Variants in ZNF366 observed in about 807,000 individuals in gnomAD.
ZNF366 encodes zinc finger protein 366.
In ZNF366, 20 loss-of-function variants were observed where a neutral mutation model predicts 47.2. The observed-to-expected ratio is 0.42, with a 90% CI of 0.30 to 0.62. ZNF366 has a LOEUF of 0.62. Among genes scored for constraint, ZNF366 ranks in the 20% least tolerant of loss-of-function variants. ZNF366 has a pLI of 0.16. For missense variants in ZNF366, 987 were observed against 976.3 expected, an observed-to-expected ratio of 1.01 and a Z score of -0.15; for synonymous variants, 421 against 395.1, an observed-to-expected ratio of 1.07 and a Z score of -0.78.
In ZNF366 at chr5:72,444,040, T is replaced by C. The variant is rs773888615; in HGVS notation, c.1951A>G (p.Lys651Glu). 6.2e-7 allele frequency: 1 copy of C among 1,614,120 alleles called. No homozygotes were observed. Among genetic ancestry groups the C allele is most frequent in the Non-Finnish European group, 8.5e-7 (1 of 1,179,980 alleles). Residue 651 changes from lysine to glutamate, a missense_variant, in exon 5 of 5, where the codon AAG (lysine) becomes GAG (glutamate). This residue lies in a region of ZNF366 where 285 missense variants were observed against 234.8 expected (regional missense o/e 1.21). Transcript: ENST00000318442. Reference sequence around the variant, plus strand: ...AGCACCTCGGGGGCGTGCTCCGACTTGGTGGACAGATCCTCGGGTGTGCAG... The same window carrying C: ...AGCACCTCGGGGGCGTGCTCCGACTCGGTGGACAGATCCTCGGGTGTGCAG... Reference protein sequence around the residue: ...QLCTPEDLSTKSEHAPEVLEE... With the variant: ...QLCTPEDLSTESEHAPEVLEE...
chr5:72,487,405 T>C (rs947032490), intron 1 of ZNF366, among the ~76,000 whole-genome samples: 9 of 152,120 alleles, frequency 5.9e-5, no homozygotes, highest in Non-Finnish European at 1.3e-4. Context: ...ATCAGAAAAA[T>C]ATAATGAATA....
chr5:72,483,233 T>G (rs971553876), intron 1 of ZNF366, among the ~76,000 whole-genome samples: 1 of 152,152 alleles, frequency 6.6e-6, no homozygotes, highest in African/African-American at 2.4e-5. Context: ...TCACAATGTC[T>G]TGGGTAGTAA....
intron 3 of ZNF366, among the ~76,000 whole-genome samples, chr5:72,448,317 A>G (rs895199339): frequency 2.6e-5 from 4 of 152,104 alleles, no homozygotes; most frequent in African/African-American, 9.7e-5. Flanking sequence ...CTCTATTTCA[A>G]TCAAAGTGCA....
intron 3 of ZNF366, among the ~76,000 whole-genome samples, chr5:72,447,949 A>G (rs1401165566): frequency 6.6e-6 from 1 of 152,180 alleles, no homozygotes; most frequent in Non-Finnish European, 1.5e-5. Flanking sequence ...AAGCTGGGTT[A>G]ATGAACTCAG....
intron 3 of ZNF366, among the ~76,000 whole-genome samples, chr5:72,448,358 G>T (rs1743000144): frequency 6.6e-6 from 1 of 152,150 alleles, no homozygotes; most frequent in African/African-American, 2.4e-5. Flanking sequence ...TTCTCCAACT[G>T]CTTTTGGAAG....
chr5:72,451,563 G>T (rs1743071644), intron 3 of ZNF366, among the ~76,000 whole-genome samples: 1 of 152,150 alleles, frequency 6.6e-6, no homozygotes, highest in Non-Finnish European at 1.5e-5. Flanking sequence ...AATAGTAAGA[G>T]CTCAATAAAT....
intron 1 of ZNF366, among the ~76,000 whole-genome samples, chr5:72,504,936 G>A (rs1364342127): frequency 6.6e-6 from 1 of 152,196 alleles, no homozygotes; most frequent in Non-Finnish European, 1.5e-5. Context: ...TAAACAGTAG[G>A]CAACGAAGCT....
At chr5:72,463,204 A>G (rs1347227757) in intron 1 of ZNF366, among the ~76,000 whole-genome samples, 1 of 152,214 alleles carries the variant, frequency 6.6e-6, no homozygotes, top group Admixed American at 6.5e-5. Flanking sequence ...ACAATGATCC[A>G]GCTGTTCTTA....
intron 3 of ZNF366, among the ~76,000 whole-genome samples, chr5:72,453,883 A>G (rs1743127885): frequency 6.6e-6 from 1 of 152,180 alleles, no homozygotes; most frequent in African/African-American, 2.4e-5. Context: ...ATTGCTTCAC[A>G]AGAACGCCCT....
At position 72,489,242 on chromosome 5, in the gene ZNF366, G is replaced by A. The variant is rs185227982; in HGVS notation, c.-15+18009C>T. Among the ~76,000 whole-genome samples, 5 of 152,096 alleles carry A rather than the reference G, an allele frequency of 3.3e-5. 1 individual carries two copies. In the East Asian group the frequency reaches 9.7e-4, roughly 29 times the overall value. The stretch of plus-strand genomic sequence containing the variant: ...AAATTAAGAAAAAAAAAAAGAAATA[G>A]TCCACAATTTCATATTATTTTCTGT... On this transcript the variant is annotated intron_variant, in intron 1 of 4. Transcript: ENST00000318442.
At chr5:72,490,950 A>G (rs1743996925) in intron 1 of ZNF366, among the ~76,000 whole-genome samples, 1 of 152,166 alleles carries the variant, frequency 6.6e-6, no homozygotes, top group Non-Finnish European at 1.5e-5. Flanking sequence ...CTTCTCCCTG[A>G]TGGCATGTGC....
chr5:72,468,437 G>A (rs115855501), intron 1 of ZNF366, among the ~76,000 whole-genome samples: 176 of 152,290 alleles, frequency 1.2e-3, no homozygotes, highest in Non-Finnish European at 1.7e-3. Context: ...TTGGTGATGA[G>A]ACTTGTTCAC....
chr5:72,456,624 GT>G (rs1743191570), intron 2 of ZNF366, 29 bp from the exon 3 acceptor site: 1 of 1,549,302 alleles, frequency 6.5e-7, no homozygotes, highest in African/African-American at 1.4e-5. Flanking sequence ...CAGAAAAGTG[GT>G]GATTGACAGG....
chr5:72,456,337 C>T, intron 3 of ZNF366, 67 bp downstream of exon 3: 1 of 1,521,094 alleles, frequency 6.6e-7, no homozygotes, highest in Non-Finnish European at 8.9e-7. Flanking sequence ...GTAGAAGGCT[C>T]CCTGGGGACC....
chr5:72,497,444 TGA>T (rs1434394983), intron 1 of ZNF366, among the ~76,000 whole-genome samples: 1 of 152,166 alleles, frequency 6.6e-6, no homozygotes, highest in Non-Finnish European at 1.5e-5. Context: ...GAACATATAC[TGA>T]GAGTCCATTT....
At position 72,503,950 on chromosome 5, in the gene ZNF366, A is replaced by T. The variant is rs1026354174; in HGVS notation, c.-15+3301T>A. Among the ~76,000 whole-genome samples, 9 of 152,344 alleles carry T rather than the reference A, an allele frequency of 5.9e-5. No individual in the cohort carries two copies. The South Asian group carries it at 1.2e-3, about 21-fold the overall frequency. On this transcript the variant is annotated intron_variant, in intron 1 of 4. Coordinates refer to ENST00000318442, the MANE Select transcript of ZNF366 (RefSeq NM_152625.3). ...ATTTAACTAAGACCTAAGTAAAAGT[A>T]TCATTATTACTTGACAAACTAACGG...
chr5:72,443,979 G>A lies in ZNF366; in HGVS notation c.2012C>T (p.Ser671Phe). The change falls in exon 5 of 5, where the codon TCC becomes TTC. Residue 671 changes from serine (S) to phenylalanine (F), a missense_variant. Coordinates refer to ENST00000318442, the MANE Select transcript of ZNF366 (RefSeq NM_152625.3). ...EACKEEKEDA[S>F]KGEWEKRSKG... The stretch of plus-strand genomic sequence containing the variant: ...GCTCCTCTTCTCCCATTCTCCCTTG[G>A]ATGCATCCTCCTTCTCCTCCTTGCA... 2 of 1,614,120 alleles carry A rather than the reference G, an allele frequency of 1.2e-6. No individual in the cohort carries two copies. The highest frequency in any genetic ancestry group is 1.1e-5 in the South Asian group (1 of 91,076).
At chr5:72,479,450 T>C (rs895123766) in intron 1 of ZNF366, among the ~76,000 whole-genome samples, 1 of 151,576 alleles carries the variant, frequency 6.6e-6, no homozygotes, top group African/African-American at 2.4e-5. Flanking sequence ...AATAAAAAAA[T>C]CCTGTATGTC....
chr5:72,473,260 A>G (rs1412024099), intron 1 of ZNF366, among the ~76,000 whole-genome samples: 6 of 152,200 alleles, frequency 3.9e-5, no homozygotes, highest in Admixed American at 3.9e-4. Context: ...CCTACCATGT[A>G]TGGTCAAGAG....
Sources: gnomAD v4.1 joint callset for allele counts (sites outside exome capture counted in the v4.1 genomes callset) on GRCh38, gnomAD v4.1.1 for gene constraint, gnomAD v4.1.1 regional missense constraint, MANE v1.5 for transcripts, NCBI Gene and HGNC (gene_info 2026-07-23, HGNC 2026-07-21) for gene names.